Variants in SV2C observed in about 807,000 individuals in gnomAD.
SV2C encodes the protein solute carrier family 22 member B3.
In SV2C, 49 loss-of-function variants were observed where a neutral mutation model predicts 79.7. The ratio of observed to expected loss-of-function variants is 0.61; its 90% CI spans 0.49 to 0.78. SV2C has a LOEUF of 0.78. Among genes scored for constraint, SV2C ranks in the 30% least tolerant of loss-of-function variants. The pLI is 0.00. For synonymous variants in SV2C, 334 were observed against 333.2 expected (o/e 1.00, Z -0.03); for missense variants, 833 against 912.9 (o/e 0.91, Z 1.13).
At chr5:76,281,023 T>C in intron 4 of SV2C, 1 of 540,584 alleles carries the variant, frequency 1.8e-6, no homozygotes, top group Non-Finnish European at 3.8e-6. Flanking sequence ...AACAGTATCT[T>C]AGCCCAAGTT....
chr5:75,852,825 C>CAAAAA, the SV2C span, among the ~76,000 whole-genome samples: 592 of 81,108 alleles, frequency 7.3e-3, 10 homozygotes, highest in African/African-American at 0.023. Context: ...GACTCCGTCT[C>CAAAAA]AAAAAAAAAA....
intron 4 of SV2C, among the ~76,000 whole-genome samples, chr5:76,232,139 G>A (rs112065548): frequency 0.086 from 12,345 of 144,106 alleles, 1,730 homozygotes; most frequent in African/African-American, 0.31. Flanking sequence ...TCTAACTGGT[G>A]TGAGTTGGTA....
At chr5:75,952,272 T>G in the SV2C span, among the ~76,000 whole-genome samples, 1 of 143,326 alleles carries the variant, frequency 7.0e-6, no homozygotes, top group Non-Finnish European at 1.6e-5. Flanking sequence ...CCTTCCTTCC[T>G]TCCTTCCTTC....
chr5:76,303,841 C>T (rs984550620), intron 12 of SV2C, among the ~76,000 whole-genome samples: 3 of 152,156 alleles, frequency 2.0e-5, no homozygotes, highest in African/African-American at 7.2e-5. Context: ...GAGGAAATGA[C>T]TGTGAGAGAA....
At chr5:75,897,808 G>T in the SV2C span, among the ~76,000 whole-genome samples, 1 of 151,914 alleles carries the variant, frequency 6.6e-6, no homozygotes, top group Admixed American at 6.5e-5. Context: ...GGATTCCTAG[G>T]TATTTTATTC....
chr5:75,939,738 C>T, the SV2C span, among the ~76,000 whole-genome samples: 3 of 152,130 alleles, frequency 2.0e-5, no homozygotes, highest in African/African-American at 7.2e-5. Context: ...ATGCAGTTGA[C>T]TCCCAAATCT....
At chr5:75,910,396 G>A in the SV2C span, 1 of 585,716 alleles carries the variant, frequency 1.7e-6, no homozygotes, top group Non-Finnish European at 3.3e-6. Flanking sequence ...ACTCACTGCT[G>A]TAGATTTCCT....
At chr5:76,121,411 G>A (rs1350138756) in intron 1 of SV2C, among the ~76,000 whole-genome samples, 4 of 151,144 alleles carry the variant, frequency 2.6e-5, no homozygotes, top group Non-Finnish European at 4.4e-5. Context: ...TGTTGCCATT[G>A]CTTTTGGTGT....
chr5:76,191,437 T>G (rs148804565), intron 2 of SV2C, among the ~76,000 whole-genome samples: 1 of 152,240 alleles, frequency 6.6e-6, no homozygotes, highest in Non-Finnish European at 1.5e-5. Flanking sequence ...CATGCATTAC[T>G]GAAGTGCTTA....
Position 76,300,758 on chromosome 5 carries a change from G to A in SV2C, c.1666G>A (p.Glu556Lys). The A allele has an allele frequency of 6.2e-7, 1 of 1,614,062 alleles. No homozygotes were observed. The highest frequency in any genetic ancestry group is 8.5e-7 in the Non-Finnish European group (1 of 1,179,956). The change falls in exon 11 of 13, where the codon GAA (glutamate) becomes AAA (lysine). Residue 556 changes from glutamate (E) to lysine (K), a missense_variant. Transcript: ENST00000502798. Reference protein sequence around the residue: ...DFEPYKFIDSEFKNCSFFHNK... With the variant: ...DFEPYKFIDSKFKNCSFFHNK... ...TGAGCCATATAAATTCATTGACAGT[G>A]AATTTAAAAACTGCTCGTTTTTTCA...
the SV2C span, among the ~76,000 whole-genome samples, chr5:76,008,227 T>C: frequency 6.6e-6 from 1 of 152,150 alleles, no homozygotes; most frequent in African/African-American, 2.4e-5. Context: ...GGGGAAGTCA[T>C]AAAGACAGCT....
chr5:76,131,994 C>T lies in SV2C; in HGVS notation c.244C>T (p.His82Tyr). 2.5e-6 allele frequency: 4 copies of T among 1,613,678 alleles called. No homozygotes were observed. Among genetic ancestry groups the T allele is most frequent in the Non-Finnish European group, 3.4e-6 (4 of 1,179,782 alleles). Residue 82 changes from histidine (H) to tyrosine (Y), a missense_variant, in exon 2 of 13, where the codon CAT (histidine) becomes TAT (tyrosine). By Grantham distance (83) the His-to-Tyr change is moderately conservative (BLOSUM62 2). Coordinates refer to ENST00000502798, the MANE Select transcript of SV2C (RefSeq NM_014979.4). Reference sequence around the variant, plus strand: ...AGGCTCAAGTGAAGCCACTGAGGGGCATGATGAAGATGATGAGATCTATGA... The same window carrying T: ...AGGCTCAAGTGAAGCCACTGAGGGGTATGATGAAGATGATGAGATCTATGA... The part of the protein sequence containing the change: ...DEGSSEATEG[H>Y]DEDDEIYEGE...
At chr5:76,233,716 G>A (rs966754922) in intron 4 of SV2C, among the ~76,000 whole-genome samples, 251 of 151,134 alleles carry the variant, frequency 1.7e-3, no homozygotes, top group African/African-American at 6.0e-3. Flanking sequence ...TTTTGTCTTT[G>A]GCTCTGTTTA....
At chr5:76,133,314 T>C (rs1300719253) in intron 2 of SV2C, among the ~76,000 whole-genome samples, 2 of 152,266 alleles carry the variant, frequency 1.3e-5, no homozygotes, top group African/African-American at 4.8e-5. Context: ...ACTTAGTATC[T>C]ATGTTTCCAA....
chr5:76,234,582 TAAC>T (rs1459710178), intron 4 of SV2C, among the ~76,000 whole-genome samples: 1 of 152,238 alleles, frequency 6.6e-6, no homozygotes, highest in Non-Finnish European at 1.5e-5. Context: ...CACTTCATCA[TAAC>T]AACCTGATTT....
At chr5:76,184,462 C>T (rs1230188441) in intron 2 of SV2C, among the ~76,000 whole-genome samples, 5 of 152,158 alleles carry the variant, frequency 3.3e-5, no homozygotes, top group Non-Finnish European at 5.9e-5. Flanking sequence ...TGTATTAGTC[C>T]GTTCTCATAC....
At chr5:76,037,847 T>C in the SV2C span, among the ~76,000 whole-genome samples, 110 of 152,320 alleles carry the variant, frequency 7.2e-4, no homozygotes, top group Non-Finnish European at 1.3e-3. Context: ...CCCAGCCTCG[T>C]TGCCGCCTTG....
Position 76,211,273 on chromosome 5 carries a change from T to G in SV2C, c.913+1386T>G, listed in dbSNP as rs191917791. On this transcript the variant is annotated intron_variant, in intron 4 of 12. Coordinates refer to ENST00000502798, the MANE Select transcript of SV2C (RefSeq NM_014979.4). ...CCACACTCCCAGATCCCCTCCTCAG[T>G]TTCTCCTAAGCTCTTACTGTTTCTG... Among the ~76,000 whole-genome samples the G allele has an allele frequency of 2.3e-3, 351 of 152,250 alleles. 2 individuals carry two copies. The highest frequency in any genetic ancestry group is 8.0e-3 in the African/African-American group (332 of 41,550).
At chr5:76,347,674 C>A (rs1025218527) in intron 12 of SV2C, among the ~76,000 whole-genome samples, 1 of 152,062 alleles carries the variant, frequency 6.6e-6, no homozygotes, top group Non-Finnish European at 1.5e-5. Context: ...ACTCCTGACC[C>A]CAGGTGATCT....
Sources: gnomAD v4.1 joint callset for allele counts (sites outside exome capture counted in the v4.1 genomes callset) on GRCh38, gnomAD v4.1.1 for gene constraint, MANE v1.5 for transcripts, NCBI Gene and HGNC (gene_info 2026-07-23, HGNC 2026-07-21) for gene names.